TUBGCP3: variants seen among roughly 807,000 people sequenced by gnomAD.
TUBGCP3 encodes the protein tubulin gamma complex component 3.
A neutral mutation model predicts 123.1 loss-of-function variants in TUBGCP3; 50 were observed. The observed-to-expected ratio is 0.41, with a 90% CI of 0.32 to 0.51. The LOEUF is 0.51. Ranked by LOEUF, TUBGCP3 falls within the 20% of genes least tolerant of loss-of-function variation. The pLI, the probability that TUBGCP3 is intolerant of heterozygous loss-of-function variation, is 0.36. For synonymous variants in TUBGCP3, 405 were observed against 413.9 expected, an observed-to-expected ratio of 0.98 and a Z score of 0.26; for missense variants, 882 against 1,127.0, an observed-to-expected ratio of 0.78 and a Z score of 3.11.
Position 112,519,528 on chromosome 13 carries a change from T to C in TUBGCP3, c.1881+358A>G, listed in dbSNP as rs997308126. ...TTCTGATAAATACCATCGTACACCA[T>C]GTCTTGTGCTCCTGTTGGATTTACT... On this transcript the variant is annotated intron_variant, in intron 15 of 21. Coordinates refer to ENST00000261965, the MANE Select transcript of TUBGCP3 (RefSeq NM_006322.6). This position sits in a 1 kb window ranked among gnomAD's most constrained non-coding sequence, Gnocchi z 6.2. Among the ~76,000 whole-genome samples, 34 of 152,186 alleles carry C rather than the reference T, an allele frequency of 2.2e-4. No homozygotes were observed. Among genetic ancestry groups the C allele is most frequent in the South Asian group, 2.1e-4 (1 of 4,832 alleles).
the TUBGCP3 span, among the ~76,000 whole-genome samples, chr13:112,594,461 CTT>C: frequency 6.6e-6 from 1 of 152,304 alleles, no homozygotes; most frequent in South Asian, 2.1e-4. Context: ...TACAAAGAAA[CTT>C]TCACAACCTG....
intron 17 of TUBGCP3, among the ~76,000 whole-genome samples, chr13:112,515,563 C>T (rs895228003): frequency 1.3e-5 from 2 of 152,218 alleles, no homozygotes; most frequent in African/African-American, 2.4e-5. Context: ...TCCCGCCTCC[C>T]GTCCAGTGGC....
At chr13:112,551,758 C>A (rs1175769819) in intron 8 of TUBGCP3, among the ~76,000 whole-genome samples, 1 of 151,938 alleles carries the variant, frequency 6.6e-6, no homozygotes, top group Non-Finnish European at 1.5e-5. Flanking sequence ...CTATGATAAT[C>A]GATAAGGAGA....
intron 20 of TUBGCP3, among the ~76,000 whole-genome samples, chr13:112,496,079 T>A (rs905109788): frequency 2.6e-5 from 4 of 152,200 alleles, no homozygotes; most frequent in African/African-American, 9.7e-5. Flanking sequence ...CAGTCACGTG[T>A]ATGGGTGCAT....
At position 112,485,820 on chromosome 13, in the gene TUBGCP3, CAT is replaced by C. The variant is rs2139170209; in HGVS notation, c.*171_*172del. The C allele has an allele frequency of 1.4e-6, 1 of 712,088 alleles. No individual in the cohort carries two copies. Among genetic ancestry groups the C allele is most frequent in the East Asian group, 2.8e-5 (1 of 36,082 alleles). The allele number at this position is 712,088 out of a possible 1,614,324, so 44.1% of individuals were successfully genotyped here. A position where few individuals can be genotyped will look rare whatever the true frequency, so the allele number is the denominator to read the frequency against. ...GATTTACAAATGCATTCGACTCCGA[CAT>C]GTGAAACACGACGTGGCTTCTCCCA... On this transcript the variant is annotated 3_prime_UTR_variant, in exon 22 of 22. Coordinates refer to ENST00000261965, the MANE Select transcript of TUBGCP3 (RefSeq NM_006322.6).
chr13:112,559,862 CA>C (rs1387709710), intron 3 of TUBGCP3, among the ~76,000 whole-genome samples: 5 of 152,318 alleles, frequency 3.3e-5, no homozygotes, highest in Non-Finnish European at 5.9e-5. Flanking sequence ...GGGCCGGGAA[CA>C]GGGGCTCACG....
chr13:112,504,434 G>A (rs56208951), intron 18 of TUBGCP3, among the ~76,000 whole-genome samples, 192 bp downstream of exon 18: 31,685 of 148,916 alleles, frequency 0.21, 3,583 homozygotes, highest in Middle Eastern at 0.31. Flanking sequence ...GTTGCAGTGA[G>A]GTGAGATCAC....
chr13:112,526,263 T>C (rs979251074), intron 13 of TUBGCP3, among the ~76,000 whole-genome samples: 1 of 145,786 alleles, frequency 6.9e-6, no homozygotes, highest in African/African-American at 2.6e-5. Context: ...ACCATCACCA[T>C]CATCACCACC....
intron 1 of TUBGCP3, among the ~76,000 whole-genome samples, chr13:112,584,628 T>C (rs1882488553): frequency 6.6e-6 from 1 of 152,244 alleles, no homozygotes; most frequent in Non-Finnish European, 1.5e-5. Flanking sequence ...AGGTCTTGCA[T>C]ATTATGGCAA....
intron 2 of TUBGCP3, among the ~76,000 whole-genome samples, chr13:112,566,945 G>C (rs1880998247): frequency 2.0e-5 from 3 of 152,210 alleles, no homozygotes; most frequent in Non-Finnish European, 4.4e-5. Flanking sequence ...TATATCGAAT[G>C]GAAAATTAAC....
At chr13:112,572,980 T>C (rs1594220580) in intron 1 of TUBGCP3, among the ~76,000 whole-genome samples, 1 of 152,032 alleles carries the variant, frequency 6.6e-6, no homozygotes, top group Non-Finnish European at 1.5e-5. Context: ...AGCTCAGCAC[T>C]GGGCAAATGC....
chr13:112,572,767 G>A (rs1235919314), intron 1 of TUBGCP3, among the ~76,000 whole-genome samples: 2 of 152,064 alleles, frequency 1.3e-5, no homozygotes, highest in African/African-American at 2.4e-5. Context: ...ACACATCAAC[G>A]TAACAGATGT....
upstream of TUBGCP3, among the ~76,000 whole-genome samples, chr13:112,592,369 C>G (rs1189964980): frequency 1.3e-5 from 2 of 152,248 alleles, no homozygotes; most frequent in East Asian, 3.9e-4. The surrounding 1 kb of genome is among the most constrained non-coding windows in gnomAD (Gnocchi z 4.1). Context: ...GGGTCAAAGG[C>G]CAAACGCAGG....
chr13:112,576,363 AG>A (rs1235601220), intron 1 of TUBGCP3, among the ~76,000 whole-genome samples: 1 of 152,232 alleles, frequency 6.6e-6, no homozygotes, highest in Non-Finnish European at 1.5e-5. Context: ...TTACTCCAAG[AG>A]CAAGCACTTC....
At chr13:112,530,474 G>A (rs1877484696) in intron 11 of TUBGCP3, among the ~76,000 whole-genome samples, 1 of 152,202 alleles carries the variant, frequency 6.6e-6, no homozygotes, top group Non-Finnish European at 1.5e-5. Flanking sequence ...AACTGTGCAG[G>A]TCCACTTATA....
At chr13:112,578,425 G>C (rs1882013756) in intron 1 of TUBGCP3, among the ~76,000 whole-genome samples, 1 of 150,272 alleles carries the variant, frequency 6.7e-6, no homozygotes, top group South Asian at 2.1e-4. Context: ...CGGGCGTGGT[G>C]GTGGGCGCCT....
chr13:112,559,263 T>C (rs1880303088), intron 4 of TUBGCP3, 59 bp downstream of exon 4: 3 of 1,449,592 alleles, frequency 2.1e-6, no homozygotes, highest in Admixed American at 4.2e-5. Context: ...AGCCGTTTCC[T>C]ATCAAAGTCA....
chr13:112,550,059 G>A (rs1352071031), intron 8 of TUBGCP3, among the ~76,000 whole-genome samples: 1 of 146,330 alleles, frequency 6.8e-6, no homozygotes, highest in East Asian at 2.0e-4. Flanking sequence ...TCAGAAGCTA[G>A]AAGAGGCACC....
At chr13:112,540,221 A>G (rs533912932) in intron 11 of TUBGCP3, among the ~76,000 whole-genome samples, 7 of 143,150 alleles carry the variant, frequency 4.9e-5, no homozygotes, top group Admixed American at 2.1e-4. Context: ...GTAGTAGCCT[A>G]TGAGCATTCA....
Sources: allele counts gnomAD v4.1 joint callset (sites outside exome capture counted in the v4.1 genomes callset), GRCh38; gene constraint gnomAD v4.1.1; non-coding constraint Gnocchi (gnomAD v3.1); transcripts MANE v1.5; gene names NCBI Gene and HGNC (gene_info 2026-07-23, HGNC 2026-07-21).